The following COL5A1 variants were observed in gnomAD, a reference collection of about 807,000 sequenced individuals.
COL5A1 encodes collagen type V alpha 1 chain.
A neutral mutation model predicts 263.7 loss-of-function variants in COL5A1; 16 were observed. The ratio of observed to expected loss-of-function variants is 0.06; its 90% confidence interval spans 0.04 to 0.09. The LOEUF (loss-of-function observed/expected upper bound fraction) is 0.09, where lower values mean the gene tolerates loss of function less well. Ranked by LOEUF, COL5A1 falls within the 10% of genes least tolerant of loss-of-function variation. The pLI, the probability that COL5A1 is intolerant of heterozygous loss-of-function variation, is 1.00. For synonymous variants in COL5A1, 1,012 were observed against 1,004.5 expected (o/e 1.01, Z -0.14); for missense variants, 2,036 against 2,540.5 (o/e 0.80, Z 4.27).
At position 134,795,319 on chromosome 9, in the gene COL5A1, T is replaced by C. The variant is rs75815945; in HGVS notation, c.2799+4T>C. On this transcript the variant is annotated splice_donor_region_variant and intron_variant, in intron 34 of 65. Transcript: ENST00000371817. Reference sequence around the variant, plus strand: ...CACTGGGAAGCCTGGCCCCAAGGTATGTTTTTGGCCTCCTGGGCGGTGGGC... The same window carrying C: ...CACTGGGAAGCCTGGCCCCAAGGTACGTTTTTGGCCTCCTGGGCGGTGGGC... 2.4e-3 allele frequency: 3,926 copies of C among 1,613,030 alleles called. 80 individuals are homozygous for C. In the African/African-American group the frequency reaches 0.04, roughly 17 times the overall value.
rs370535777 is a variant in COL5A1, at chr9:134,835,222, C to T, written c.5370+18C>T. On this transcript the variant is annotated intron_variant, in intron 65 of 65. Coordinates refer to ENST00000371817, the MANE Select transcript of COL5A1 (RefSeq NM_000093.5). ...GCTGTGCTGTGAGTATCCCGCGCCG[C>T]GCCCAGCACCCCTGCTCACGCCTCC... 35 of 1,604,644 alleles carry T rather than the reference C, an allele frequency of 2.2e-5. No homozygotes were observed. The Middle Eastern group carries it at 5.0e-4, about 23-fold the overall frequency.
In COL5A1 at chr9:134,841,832, G is replaced by A. The variant is rs1482404206; in HGVS notation, c.5371-325G>A. Among the ~76,000 whole-genome samples, 3 of 152,254 alleles carry A rather than the reference G, an allele frequency of 2.0e-5. No individual in the cohort carries two copies. Among genetic ancestry groups the A allele is most frequent in the Admixed American group, 2.0e-4 (3 of 15,296 alleles). On this transcript the variant is annotated intron_variant, in intron 65 of 65. Transcript: ENST00000371817. The surrounding 1 kb of genome is among the most constrained non-coding windows in gnomAD (Gnocchi z 4.8). ...GGGGCATCACAAGGAGTCTGGACTG[G>A]GCACGGTGGGAAGGCTGATCAGCTT... is the stretch of plus-strand genomic sequence containing the variant.
rs920182400 is a variant in COL5A1 at position 134,829,983 on chromosome 9, T to C, written c.5075T>C (p.Ile1692Thr). ...FPDKKSEGARITSWPKENPGS... is the reference protein window; with the variant it reads ...FPDKKSEGARTTSWPKENPGS... Reference sequence around the variant, plus strand: ...TCCCCGCTGCATGTTTAGGCCAGAATCACTTCTTGGCCCAAAGAAAACCCG... The same window carrying C: ...TCCCCGCTGCATGTTTAGGCCAGAACCACTTCTTGGCCCAAAGAAAACCCG... Residue 1692 changes from isoleucine (I) to threonine (T), a missense_variant, in exon 64 of 66, where the codon ATC (isoleucine) becomes ACC (threonine). Physicochemically the swap from Ile to Thr is moderately conservative, Grantham distance 89. This residue lies in a region of COL5A1 where 358 missense variants were observed against 384.6 expected (regional missense o/e 0.93). Transcript: ENST00000371817. The C allele has an allele frequency of 6.2e-7, 1 of 1,613,400 alleles. No homozygotes were observed. Among genetic ancestry groups the C allele is most frequent in the Admixed American group, 1.7e-5 (1 of 59,966 alleles).
intron 2 of COL5A1, among the ~76,000 whole-genome samples, chr9:134,695,273 C>T (rs1196813858): frequency 6.6e-6 from 1 of 152,206 alleles, no homozygotes; most frequent in African/African-American, 2.4e-5. Context: ...TGGCCAACAC[C>T]CTGTCTTCGC....
chr9:134,712,623 T>C, intron 4 of COL5A1, among the ~76,000 whole-genome samples: 1 of 27,954 alleles, frequency 3.6e-5, no homozygotes, highest in African/African-American at 1.2e-4. Context: ...CCCTCCCCCT[T>C]CCTTCCTGTT....
chr9:134,659,529 A>C (rs1230727074), intron 1 of COL5A1, among the ~76,000 whole-genome samples: 1 of 152,138 alleles, frequency 6.6e-6, no homozygotes, highest in Non-Finnish European at 1.5e-5. Context: ...TTTGGTCCCT[A>C]TCTGAAGGAC....
chr9:134,693,924 G>A (rs768092471), intron 2 of COL5A1, among the ~76,000 whole-genome samples: 1 of 152,200 alleles, frequency 6.6e-6, no homozygotes, highest in Non-Finnish European at 1.5e-5. Context: ...GGGAGCTGGA[G>A]CTGCACCATG....
chr9:134,786,187 T>C (rs781539359), intron 31 of COL5A1, 139 bp downstream of exon 31: 3 of 830,740 alleles, frequency 3.6e-6, no homozygotes, highest in Non-Finnish European at 6.0e-6. Flanking sequence ...CCATGTTACG[T>C]GTCCTGGTGC....
Position 134,818,884 on chromosome 9 carries a change from G to T in COL5A1, c.4375G>T (p.Gly1459Cys). ...QGLPGSPGPDGPPGPMGPPGL... is the reference protein window; with the variant it reads ...QGLPGSPGPDCPPGPMGPPGL... Reference sequence around the variant, plus strand: ...TCTCCCAGGATCCCCAGGCCCGGACGGTCCCCCCGGCCCCATGGTGAGTCA... The same window carrying T: ...TCTCCCAGGATCCCCAGGCCCGGACTGTCCCCCCGGCCCCATGGTGAGTCA... Residue 1459 changes from glycine (G) to cysteine (C), a missense_variant, in exon 56 of 66, where the codon GGT becomes TGT. This residue lies in a region of COL5A1 where 1,078 missense variants were observed against 1,521.4 expected (regional missense o/e 0.71). Transcript: ENST00000371817. The surrounding 1 kb of genome is among the most constrained non-coding windows in gnomAD (Gnocchi z 6.0). The T allele has an allele frequency of 6.2e-7, 1 of 1,612,932 alleles. No individual in the cohort carries two copies. Among genetic ancestry groups the T allele is most frequent in the Non-Finnish European group, 8.5e-7 (1 of 1,179,702 alleles).
chr9:134,732,937 A>G (rs1834953281), intron 9 of COL5A1, among the ~76,000 whole-genome samples: 1 of 152,186 alleles, frequency 6.6e-6, no homozygotes, highest in South Asian at 2.1e-4. Context: ...GGCAGGCAGG[A>G]TGCCCTGTGA....
intron 65 of COL5A1, among the ~76,000 whole-genome samples, chr9:134,838,532 G>A (rs1257783044): frequency 6.6e-6 from 1 of 152,208 alleles, no homozygotes; most frequent in African/African-American, 2.4e-5. Context: ...CGTGGGTCTG[G>A]TTAGCCGCCC....
At chr9:134,803,257 C>T (rs937181621) in intron 39 of COL5A1, among the ~76,000 whole-genome samples, 1 of 152,200 alleles carries the variant, frequency 6.6e-6, no homozygotes, top group African/African-American at 2.4e-5. Flanking sequence ...TCCCCAGCTG[C>T]CAGCCCTGCT....
At chr9:134,664,608 A>G (rs1832302717) in intron 1 of COL5A1, among the ~76,000 whole-genome samples, 1 of 152,212 alleles carries the variant, frequency 6.6e-6, no homozygotes, top group Non-Finnish European at 1.5e-5. Flanking sequence ...TCACAAGGAG[A>G]GAATGGAGGT....
chr9:134,773,687 G>A (rs1356767529), intron 26 of COL5A1, among the ~76,000 whole-genome samples: 2 of 152,328 alleles, frequency 1.3e-5, no homozygotes, highest in East Asian at 3.9e-4. Context: ...CCCTTGCCAA[G>A]GGTGTGGTAG....
At chr9:134,668,490 T>C (rs747548880) in intron 1 of COL5A1, among the ~76,000 whole-genome samples, 124 of 152,180 alleles carry the variant, frequency 8.1e-4, no homozygotes, top group Non-Finnish European at 1.6e-3. Context: ...CAGCAAGAAA[T>C]TGGGTGCCTT....
Position 134,738,442 on chromosome 9 carries a change from C to T in COL5A1, c.1390-32C>T, listed in dbSNP as rs150626792. 1.2e-3 allele frequency: 1,911 copies of T among 1,613,542 alleles called. 21 individuals carry two copies. The Middle Eastern group carries it at 0.027, about 22-fold the overall frequency. ...CTGGGGTGTCGGGAGGGATGGGCTG[C>T]GGTCTCAGACGCCCTCTCTCTGTCT... On this transcript the variant is annotated intron_variant, in intron 9 of 65. Transcript: ENST00000371817.
rs569196658 is a variant in COL5A1 at position 134,794,144 on chromosome 9, G to T, written c.2701-938G>T. Among the ~76,000 whole-genome samples, 1 of 152,126 alleles carries T rather than the reference G, an allele frequency of 6.6e-6. No homozygotes were observed. Among genetic ancestry groups the T allele is most frequent in the South Asian group, 2.1e-4 (1 of 4,818 alleles). ...AGATCGAGACCATCCTTGCCAACAT[G>T]GTGAAACCCTGTCTCTACTAAAATT... is the stretch of plus-strand genomic sequence containing the variant. On this transcript the variant is annotated intron_variant, in intron 32 of 65. Coordinates refer to ENST00000371817, the MANE Select transcript of COL5A1 (RefSeq NM_000093.5). The surrounding 1 kb of genome is among the most constrained non-coding windows in gnomAD (Gnocchi z 4.3).
At chr9:134,643,184 G>A (rs1222908180) in intron 1 of COL5A1, among the ~76,000 whole-genome samples, 1 of 152,114 alleles carries the variant, frequency 6.6e-6, no homozygotes, top group African/African-American at 2.4e-5. Flanking sequence ...GCTTCCTGAC[G>A]GGGGAGTTTT....
rs375540141 is a variant in COL5A1 at position 134,823,468 on chromosome 9, C to T, written c.4697C>T (p.Pro1566Leu). 2.0e-5 allele frequency: 33 copies of T among 1,614,060 alleles called. 1 individual carries two copies. The highest frequency in any genetic ancestry group is 1.2e-4 in the South Asian group (11 of 91,092). ...EAGHPGPPGP[P>L]GPPGEVIQPL... is the part of the protein sequence containing the mutation. ...GGCCACCCAGGACCCCCAGGCCCCC[C>T]GGTAAGTAGCCCTTGAAGCCCAGAA... The change falls in exon 61 of 66, where the codon CCG becomes CTG. Residue 1566 changes from proline to leucine, a missense_variant and splice_region_variant. Pro to Leu is a moderately conservative substitution (Grantham distance 98). Transcript: ENST00000371817.
Sources: allele counts gnomAD v4.1 joint callset (sites outside exome capture counted in the v4.1 genomes callset), GRCh38; gene constraint gnomAD v4.1.1; regional missense constraint gnomAD v4.1.1; non-coding constraint Gnocchi (gnomAD v3.1); transcripts MANE v1.5; gene names NCBI Gene and HGNC (gene_info 2026-07-23, HGNC 2026-07-21).